The following USP6NL variants were observed in gnomAD, a reference collection of about 807,000 sequenced individuals.
USP6NL encodes the protein USP6 N-terminal like.
USP6NL carries 26 observed loss-of-function variants against 61.9 expected under a neutral mutation model. The observed-to-expected ratio is 0.42, with a 90% confidence interval of 0.31 to 0.58. The LOEUF is 0.58. Among genes scored for constraint, USP6NL ranks in the 20% least tolerant of loss-of-function variants. The pLI is 0.16. For synonymous variants in USP6NL, 432 were observed against 390.1 expected (o/e 1.11, Z -1.27); for missense variants, 1,114 against 1,034.3 (o/e 1.08, Z -1.06).
In USP6NL at chr10:11,462,873, G is replaced by C; in HGVS notation, c.2055C>G (p.Tyr685Ter). The C allele has an allele frequency of 3.1e-6, 5 of 1,613,856 alleles. No individual in the cohort carries two copies. Among genetic ancestry groups the C allele is most frequent in the Non-Finnish European group, 4.2e-6 (5 of 1,179,826 alleles). The part of the protein sequence containing the change: ...LSVSASPEKS[Y>*]SRPSPLVLPS... ...GCAGTACAAGGGGGCTTGGGCGGCT[G>C]TAAGATTTCTCCGGAGAAGCACTGA... is the stretch of plus-strand genomic sequence containing the variant. The change falls in exon 15 of 15, where the codon TAC becomes TAG. Residue 685 changes from tyrosine (Y) to a stop codon, truncating the protein, a stop_gained. Transcript: ENST00000609104. LOFTEE classifies it low-confidence loss of function (END_TRUNC).
In USP6NL at chr10:11,528,410, T is replaced by C. The variant is rs531258602; in HGVS notation, c.5-843A>G. Reference sequence around the variant, plus strand: ...CTGTAACAACTATACTGCATTCTTATTAAGTGCCTGGCAGATAGTAAGATA... The same window carrying C: ...CTGTAACAACTATACTGCATTCTTACTAAGTGCCTGGCAGATAGTAAGATA... On this transcript the variant is annotated intron_variant, in intron 2 of 14. Coordinates refer to ENST00000609104, the MANE Select transcript of USP6NL (RefSeq NM_014688.5). The surrounding 1 kb of genome is among the most constrained non-coding windows in gnomAD (Gnocchi z 4.6). Among the ~76,000 whole-genome samples, 2 of 152,206 alleles carry C rather than the reference T, an allele frequency of 1.3e-5. No homozygotes were observed. The highest frequency in any genetic ancestry group is 2.1e-4 in the South Asian group (1 of 4,818).
At chr10:11,467,559 G>C (rs902583288) in intron 14 of USP6NL, among the ~76,000 whole-genome samples, 2 of 152,102 alleles carry the variant, frequency 1.3e-5, no homozygotes, top group Admixed American at 1.3e-4. Flanking sequence ...TAACAATTAT[G>C]AAACAAAAAT....
chr10:11,594,649 C>T (rs991875335), intron 2 of USP6NL, among the ~76,000 whole-genome samples: 1 of 152,318 alleles, frequency 6.6e-6, no homozygotes, highest in South Asian at 2.1e-4. Flanking sequence ...CATTGCTCCG[C>T]CAGCCTGGAA....
intron 3 of USP6NL, among the ~76,000 whole-genome samples, chr10:11,526,271 T>C (rs865824924): frequency 6.0e-4 from 91 of 152,274 alleles, no homozygotes; most frequent in African/African-American, 2.0e-3. Flanking sequence ...ATCCCTCAAA[T>C]TTTAGACTCA....
rs1029426670 is a variant in USP6NL at position 11,465,450 on chromosome 10, C to T, written c.1079-1601G>A. 2.0e-5 allele frequency among the ~76,000 whole-genome samples: 3 copies of T among 152,220 alleles called. No homozygotes were observed. The highest frequency in any genetic ancestry group is 7.2e-5 in the African/African-American group (3 of 41,450). On this transcript the variant is annotated intron_variant, in intron 14 of 14. Coordinates refer to ENST00000609104, the MANE Select transcript of USP6NL (RefSeq NM_014688.5). This position sits in a 1 kb window ranked among gnomAD's most constrained non-coding sequence, Gnocchi z 4.5. ...CTGTCACACTGAGCCCTGGAAGCTG[C>T]CTCACTTCTCCACCACTCACTGGCC...
rs909083273 is a variant in USP6NL at position 11,540,667 on chromosome 10, C to T, written c.5-13100G>A. Among the ~76,000 whole-genome samples, 1 of 152,166 alleles carries T rather than the reference C, an allele frequency of 6.6e-6. No individual in the cohort carries two copies. Among genetic ancestry groups the T allele is most frequent in the South Asian group, 2.1e-4 (1 of 4,830 alleles). The stretch of plus-strand genomic sequence containing the variant: ...AATTCATAGACTGCCCACTCTGATG[C>T]TTAATAACTAATTCCACAGGCAGTG... On this transcript the variant is annotated intron_variant, in intron 2 of 14. Coordinates refer to ENST00000609104, the MANE Select transcript of USP6NL (RefSeq NM_014688.5). This position sits in a 1 kb window ranked among gnomAD's most constrained non-coding sequence, Gnocchi z 5.0.
At chr10:11,494,379 A>G (rs1833825246) in intron 7 of USP6NL, among the ~76,000 whole-genome samples, 1 of 152,190 alleles carries the variant, frequency 6.6e-6, no homozygotes. Context: ...CAAATCTTTC[A>G]GCTCTCAGAC....
rs1385996496 is a variant in USP6NL, at chr10:11,481,939, G to A, written c.926-17C>T. 2.5e-6 allele frequency: 4 copies of A among 1,590,604 alleles called. No individual in the cohort carries two copies. The highest frequency in any genetic ancestry group is 1.4e-5 in the African/African-American group (1 of 73,826). On this transcript the variant is annotated splice_polypyrimidine_tract_variant and intron_variant, in intron 13 of 14. Transcript: ENST00000609104. This position sits in a 1 kb window ranked among gnomAD's most constrained non-coding sequence, Gnocchi z 4.4. The stretch of plus-strand genomic sequence containing the variant: ...TTAGATGTTCTAAGAAAGGATAAGA[G>A]AAATGAAAATGCCAAGTCAATAGCT...
chr10:11,560,578 T>C (rs542291995), intron 2 of USP6NL, among the ~76,000 whole-genome samples: 7 of 151,800 alleles, frequency 4.6e-5, no homozygotes, highest in Non-Finnish European at 1.0e-4. Context: ...GAAGCAACAC[T>C]TTTGGGTTAT....
At chr10:11,570,103 C>T (rs1475306013) in intron 2 of USP6NL, among the ~76,000 whole-genome samples, 1 of 152,170 alleles carries the variant, frequency 6.6e-6, no homozygotes, top group Admixed American at 6.5e-5. Flanking sequence ...CTGAGAGCAT[C>T]AGTCACCTCA....
In USP6NL at chr10:11,553,851, G is replaced by A. The variant is rs1039071224; in HGVS notation, c.5-26284C>T. ...GCAGAGGATGCAGTGAGCCGAGATC[G>A]TGCCACTCCAGCCTGGGCAACAGAG... On this transcript the variant is annotated intron_variant, in intron 2 of 14. Transcript: ENST00000609104. The surrounding 1 kb of genome is among the most constrained non-coding windows in gnomAD (Gnocchi z 4.8). 1.3e-5 allele frequency among the ~76,000 whole-genome samples: 2 copies of A among 150,806 alleles called. No homozygotes were observed. The highest frequency in any genetic ancestry group is 4.9e-5 in the African/African-American group (2 of 40,888).
chr10:11,581,547 T>C (rs923606199), intron 2 of USP6NL, among the ~76,000 whole-genome samples: 1 of 152,236 alleles, frequency 6.6e-6, no homozygotes, highest in African/African-American at 2.4e-5. Context: ...GTCATCCTTT[T>C]CAGAACATGT....
Position 11,574,857 on chromosome 10 carries a change from C to G in USP6NL, c.4+22774G>C, listed in dbSNP as rs1010931696. Among the ~76,000 whole-genome samples, 1 of 152,128 alleles carries G rather than the reference C, an allele frequency of 6.6e-6. No individual in the cohort carries two copies. Among genetic ancestry groups the G allele is most frequent in the African/African-American group, 2.4e-5 (1 of 41,430 alleles). ...GAATCAACCAAGGTTACAAGTAAACCGATCCAAAAATCAGCCTTCTGCTTT... is the reference window on the plus strand; with the variant it reads ...GAATCAACCAAGGTTACAAGTAAACGGATCCAAAAATCAGCCTTCTGCTTT... On this transcript the variant is annotated intron_variant, in intron 2 of 14. Coordinates refer to ENST00000609104, the MANE Select transcript of USP6NL (RefSeq NM_014688.5). This position sits in a 1 kb window ranked among gnomAD's most constrained non-coding sequence, Gnocchi z 4.3.
At position 11,490,905 on chromosome 10, in the gene USP6NL, T is replaced by G. The variant is rs1833687403; in HGVS notation, c.495-25A>C. On this transcript the variant is annotated intron_variant, in intron 8 of 14. Transcript: ENST00000609104. The surrounding 1 kb of genome is among the most constrained non-coding windows in gnomAD (Gnocchi z 4.5). ...CCTAGAGAAAAAAATTTACATTAAATACAATTTAGTAATTTCACATATTTT... is the reference window on the plus strand; with the variant it reads ...CCTAGAGAAAAAAATTTACATTAAAGACAATTTAGTAATTTCACATATTTT... The G allele has an allele frequency of 6.6e-7, 1 of 1,510,328 alleles. No individual in the cohort carries two copies. Among genetic ancestry groups the G allele is most frequent in the Admixed American group, 2.4e-5 (1 of 41,190 alleles). The allele number at this position is 1,510,328 out of a possible 1,614,324, so 93.6% of individuals were successfully genotyped here.
At position 11,527,556 on chromosome 10, in the gene USP6NL, C is replaced by G; in HGVS notation, c.16G>C (p.Asp6His). The G allele has an allele frequency of 6.2e-7, 1 of 1,609,054 alleles. No homozygotes were observed. Among genetic ancestry groups the G allele is most frequent in the Non-Finnish European group, 8.5e-7 (1 of 1,177,534 alleles). Residue 6 changes from aspartate to histidine, a missense_variant, in exon 3 of 15, where the codon GAT (aspartate) becomes CAT (histidine). Transcript: ENST00000609104. ...TCCTGGGCAAGTTTGAGTGCTACAT[C>G]CTGGTCTGAATCTGTGGAGAAGACA... MNSDQDVALKLAQERA... is the reference protein window; with the variant it reads MNSDQHVALKLAQERA...
At chr10:11,571,039 C>T (rs1397303783) in intron 2 of USP6NL, among the ~76,000 whole-genome samples, 1 of 151,934 alleles carries the variant, frequency 6.6e-6, no homozygotes, top group East Asian at 1.9e-4. Flanking sequence ...CACCATTCAT[C>T]TAGTCTTTCA....
intron 13 of USP6NL, 76 bp downstream of exon 13, chr10:11,484,895 G>C (rs1833391301): frequency 1.3e-5 from 15 of 1,135,926 alleles, no homozygotes; most frequent in Non-Finnish European, 1.8e-5. Flanking sequence ...AAGTTGAAGT[G>C]GGTGGGGAAT....
intron 5 of USP6NL, among the ~76,000 whole-genome samples, chr10:11,515,617 G>A (rs573183533): frequency 4.6e-5 from 7 of 152,278 alleles, no homozygotes; most frequent in African/African-American, 1.7e-4. Flanking sequence ...AGTTAAATTT[G>A]GGGTCCACTT....
In USP6NL at chr10:11,518,426, G is replaced by A; in HGVS notation, c.195+109C>T. 2 of 931,980 alleles carry A rather than the reference G, an allele frequency of 2.1e-6. No homozygotes were observed. The highest frequency in any genetic ancestry group is 3.5e-6 in the Non-Finnish European group (2 of 572,376). 57.7% of individuals were successfully genotyped at this position (931,980 alleles called of 1,614,324 possible). On this transcript the variant is annotated intron_variant, in intron 5 of 14. Transcript: ENST00000609104. The surrounding 1 kb of genome is among the most constrained non-coding windows in gnomAD (Gnocchi z 5.3). Reference sequence around the variant, plus strand: ...TGAGGTCCAAAATCTAACAATGACTGTACCATTCCCATATAATATGGCACT... The same window carrying A: ...TGAGGTCCAAAATCTAACAATGACTATACCATTCCCATATAATATGGCACT...
Sources: allele counts gnomAD v4.1 joint callset (sites outside exome capture counted in the v4.1 genomes callset), GRCh38; gene constraint gnomAD v4.1.1; non-coding constraint Gnocchi (gnomAD v3.1); transcripts MANE v1.5; gene names NCBI Gene and HGNC (gene_info 2026-07-23, HGNC 2026-07-21).